The following NLGN1 variants were observed in gnomAD, a reference collection of about 807,000 sequenced individuals.
NLGN1 encodes neuroligin-1.
In NLGN1, 12 loss-of-function variants were observed where a neutral mutation model predicts 65.5. The ratio of observed to expected loss-of-function variants is 0.18; its 90% CI spans 0.12 to 0.30. The LOEUF (loss-of-function observed/expected upper bound fraction) is 0.30, where lower values mean the gene tolerates loss of function less well. NLGN1 is among the 10% of genes least tolerant of loss of function. NLGN1 has a pLI of 1.00. For missense variants in NLGN1, 750 were observed against 1,007.1 expected (o/e 0.74, Z 3.46); for synonymous variants, 350 against 359.5 (o/e 0.97, Z 0.30).
chr3:173,788,933 C>T lies in NLGN1; in HGVS notation c.494-18747C>T, dbSNP rs1711961076. 2.7e-5 allele frequency among the ~76,000 whole-genome samples: 4 copies of T among 149,926 alleles called. No individual in the cohort carries two copies. In the South Asian group the frequency reaches 8.5e-4, roughly 32 times the overall value. On this transcript the variant is annotated intron_variant, in intron 3 of 6. Coordinates refer to ENST00000457714, the Ensembl canonical transcript of NLGN1. ...AGGATGTTGGCCGGGCATGATGGCT[C>T]ACGCCTGTAATCCCAGCACTTTGGG... is the stretch of plus-strand genomic sequence containing the variant.
intron 4 of NLGN1, among the ~76,000 whole-genome samples, chr3:173,813,400 C>T (rs894605063): frequency 1.2e-4 from 18 of 152,134 alleles, no homozygotes; most frequent in African/African-American, 3.4e-4. Context: ...TAATATTCTA[C>T]AACACATCCA....
chr3:173,718,796 A>G (rs527599775), intron 3 of NLGN1, among the ~76,000 whole-genome samples: 2 of 152,354 alleles, frequency 1.3e-5, no homozygotes, highest in Non-Finnish European at 2.9e-5. Context: ...AACTTTTTAA[A>G]GAACATTTAA....
intron 3 of NLGN1, among the ~76,000 whole-genome samples, chr3:173,727,034 A>G (rs1432830573): frequency 6.6e-6 from 1 of 152,106 alleles, no homozygotes; most frequent in African/African-American, 2.4e-5. Flanking sequence ...AGGAGAGAGA[A>G]AGAAAGAAAA....
At chr3:173,916,440 G>C (rs919938122) in intron 4 of NLGN1, among the ~76,000 whole-genome samples, 2 of 152,126 alleles carry the variant, frequency 1.3e-5, no homozygotes, top group African/African-American at 4.8e-5. Flanking sequence ...AAATAGATAG[G>C]AGAGGCACAT....
At chr3:174,219,646 G>A (rs1348132813) in intron 4 of NLGN1, among the ~76,000 whole-genome samples, 3 of 152,134 alleles carry the variant, frequency 2.0e-5, no homozygotes, top group African/African-American at 7.2e-5. Context: ...ATCTATCCCT[G>A]GACAGATAAT....
chr3:174,249,141 T>C (rs1257611838), intron 4 of NLGN1, among the ~76,000 whole-genome samples: 1 of 152,250 alleles, frequency 6.6e-6, no homozygotes, highest in Non-Finnish European at 1.5e-5. Context: ...TTTGTAGATA[T>C]TAAAAACATA....
intron 3 of NLGN1, among the ~76,000 whole-genome samples, chr3:173,659,376 T>C (rs1190592958): frequency 6.6e-6 from 1 of 152,016 alleles, no homozygotes; most frequent in Non-Finnish European, 1.5e-5. Context: ...ACCATTTTAT[T>C]TGCTGTCTCC....
At chr3:174,145,453 C>G (rs1018201658) in intron 4 of NLGN1, among the ~76,000 whole-genome samples, 1 of 151,546 alleles carries the variant, frequency 6.6e-6, no homozygotes, top group Non-Finnish European at 1.5e-5. Context: ...GCAGGGGTTC[C>G]GGTGAGCCAA....
intron 2 of NLGN1, among the ~76,000 whole-genome samples, chr3:173,502,569 G>A (rs554843688): frequency 1.4e-4 from 22 of 152,184 alleles, no homozygotes; most frequent in African/African-American, 5.1e-4. Flanking sequence ...ACTTATGTGT[G>A]TGCACGTATG....
chr3:173,708,847 A>G (rs939392547), intron 3 of NLGN1, among the ~76,000 whole-genome samples: 1 of 152,338 alleles, frequency 6.6e-6, no homozygotes, highest in Admixed American at 6.5e-5. Context: ...TAAGTTTAAT[A>G]CATTGATTTT....
intron 3 of NLGN1, among the ~76,000 whole-genome samples, chr3:173,665,221 TG>T (rs1429079973): frequency 1.3e-5 from 2 of 152,114 alleles, no homozygotes; most frequent in African/African-American, 4.8e-5. Flanking sequence ...TCCTCCAAGT[TG>T]CTCTCATGAC....
At chr3:173,551,662 A>C (rs1280295425) in intron 2 of NLGN1, among the ~76,000 whole-genome samples, 1 of 152,200 alleles carries the variant, frequency 6.6e-6, no homozygotes, top group Non-Finnish European at 1.5e-5. Flanking sequence ...CTTTTTATGG[A>C]GTAATGTGAA....
intron 3 of NLGN1, among the ~76,000 whole-genome samples, chr3:173,664,890 A>T (rs1761481587): frequency 6.6e-6 from 1 of 152,066 alleles, no homozygotes; most frequent in East Asian, 1.9e-4. Flanking sequence ...TTGTATTTAA[A>T]CACTCCCCAA....
intron 4 of NLGN1, among the ~76,000 whole-genome samples, chr3:173,963,630 AT>A (rs1353149663): frequency 1.3e-5 from 2 of 152,214 alleles, no homozygotes; most frequent in Admixed American, 1.3e-4. Flanking sequence ...GAATTTGGAT[AT>A]TCAAAAAGCA....
intron 4 of NLGN1, among the ~76,000 whole-genome samples, chr3:174,099,733 GA>G (rs566662093): frequency 4.6e-5 from 7 of 150,780 alleles, no homozygotes; most frequent in Admixed American, 2.0e-4. Flanking sequence ...ATTAACTTCA[GA>G]AAAAAAAAGT....
intron 4 of NLGN1, among the ~76,000 whole-genome samples, chr3:174,235,293 A>G (rs1429246351): frequency 2.0e-5 from 3 of 151,774 alleles, no homozygotes; most frequent in African/African-American, 7.3e-5. Flanking sequence ...TGTAACTCCC[A>G]CTCTTACCAT....
intron 2 of NLGN1, among the ~76,000 whole-genome samples, chr3:173,590,266 CTT>C (rs535077938): frequency 5.3e-5 from 8 of 152,294 alleles, no homozygotes; most frequent in South Asian, 2.1e-4. Flanking sequence ...CTGTCCAACA[CTT>C]TACACATAAG....
chr3:173,458,366 A>G (rs1043451102), intron 2 of NLGN1, among the ~76,000 whole-genome samples: 2 of 152,080 alleles, frequency 1.3e-5, no homozygotes, highest in African/African-American at 2.4e-5. Flanking sequence ...GTGGAGCAAT[A>G]TGGTGCTGGA....
At chr3:173,609,520 A>G (rs561355357) in intron 3 of NLGN1, among the ~76,000 whole-genome samples, 4 of 152,038 alleles carry the variant, frequency 2.6e-5, no homozygotes, top group South Asian at 4.1e-4. Flanking sequence ...TCCTAATTTA[A>G]TATGTATAAC....
Sources: gnomAD v4.1 joint callset for allele counts (sites outside exome capture counted in the v4.1 genomes callset) on GRCh38, gnomAD v4.1.1 for gene constraint, MANE v1.5 for transcripts, NCBI Gene and HGNC (gene_info 2026-07-23, HGNC 2026-07-21) for gene names.